COL4A5: variants seen among roughly 807,000 people sequenced by gnomAD.
COL4A5 encodes collagen type IV alpha 5 chain.
In COL4A5, 26 loss-of-function variants were observed where a neutral mutation model predicts 130.2. The observed-to-expected ratio is 0.20, with a 90% CI of 0.15 to 0.28. The LOEUF (loss-of-function observed/expected upper bound fraction) is 0.28. Ranked by LOEUF, COL4A5 falls within the 10% of genes least tolerant of loss-of-function variation. The pLI is 1.00. For missense variants in COL4A5, 1,131 were observed against 1,344.3 expected (o/e 0.84, Z 2.48); for synonymous variants, 496 against 439.6 (o/e 1.13, Z -1.60).
At chrX:108,670,007 G>A (rs1470083506) in intron 41 of COL4A5, 1 of 397,625 alleles carries the variant, frequency 2.5e-6, no homozygotes, top group East Asian at 4.2e-5. Context: ...ACGCCACAGT[G>A]TGCTGTTTTC....
intron 37 of COL4A5, among the ~76,000 whole-genome samples, chrX:108,664,612 A>G (rs754541139): frequency 3.3e-4 from 37 of 112,237 alleles, no homozygotes; most frequent in African/African-American, 1.1e-3. Context: ...CCGCTAGGAA[A>G]ATGAATAGGA....
chrX:108,688,442 GTT>G (rs750606346), intron 49 of COL4A5, among the ~76,000 whole-genome samples: 1 of 103,266 alleles, frequency 9.7e-6, no homozygotes. Flanking sequence ...TTGTTGTGTT[GTT>G]TTTTTTTTTG....
intron 2 of COL4A5, among the ~76,000 whole-genome samples, chrX:108,550,468 CAA>C (rs1456772463): frequency 1.8e-5 from 2 of 111,770 alleles, no homozygotes; most frequent in African/African-American, 6.5e-5. Flanking sequence ...TAATCGATAA[CAA>C]AGAATGCATT....
Position 108,657,057 on chromosome X carries a change from A to G in COL4A5, c.3373+1600A>G, listed in dbSNP as rs375150718. ...TCATGAATAGTGATTTTTTTATCCA[A>G]TTCAATAAATATTTGTCTATTTGAG... On this transcript the variant is annotated intron_variant, in intron 37 of 52. Coordinates refer to ENST00000328300, the MANE Select transcript of COL4A5 (RefSeq NM_033380.3). Among the ~76,000 whole-genome samples the G allele has an allele frequency of 2.7e-5, 3 of 111,810 alleles. No homozygotes were observed. The South Asian group carries it at 1.1e-3, about 41-fold the overall frequency.
chrX:108,473,390 C>T (rs989938732), intron 1 of COL4A5, among the ~76,000 whole-genome samples: 3 of 106,689 alleles, frequency 2.8e-5, no homozygotes, highest in African/African-American at 1.0e-4. Flanking sequence ...GGTGACAGCT[C>T]CATGCATGTT....
chrX:108,464,942 G>T (rs1042923565), intron 1 of COL4A5, among the ~76,000 whole-genome samples: 6 of 111,787 alleles, frequency 5.4e-5, no homozygotes, highest in African/African-American at 1.9e-4. Flanking sequence ...ACAATAAAAT[G>T]TACTAGTTTT....
chrX:108,674,681 A>G (rs1425511178), intron 42 of COL4A5, 64 bp from the exon 43 acceptor site: 1 of 1,076,421 alleles, frequency 9.3e-7, no homozygotes, highest in Non-Finnish European at 1.3e-6. Context: ...CTTATTTTGT[A>G]CTGTGTGATG....
At chrX:108,672,959 A>G (rs1431556314) in intron 42 of COL4A5, among the ~76,000 whole-genome samples, 1 of 112,505 alleles carries the variant, frequency 8.9e-6, no homozygotes, top group Non-Finnish European at 1.9e-5. Context: ...TTAAATAAAC[A>G]GAAGCCAATA....
intron 3 of COL4A5, among the ~76,000 whole-genome samples, chrX:108,561,520 T>C (rs2065899574): frequency 9.0e-6 from 1 of 110,707 alleles, no homozygotes; most frequent in South Asian, 3.9e-4. Flanking sequence ...TTTCTGGGTT[T>C]TTTTTTTTAA....
Position 108,476,954 on chromosome X carries a change from T to C in COL4A5, c.81+36748T>C, listed in dbSNP as rs192558128. Among the ~76,000 whole-genome samples, 171 of 111,482 alleles carry C rather than the reference T, an allele frequency of 1.5e-3. 1 individual carries two copies. Among genetic ancestry groups the C allele is most frequent in the Non-Finnish European group, 2.0e-3 (108 of 53,113 alleles). ...ATTTTGTATATTGCATTAGTTGGGG[T>C]TCTCTTAGAGGGACAGAACGAATAG... On this transcript the variant is annotated intron_variant, in intron 1 of 52. Transcript: ENST00000328300.
At chrX:108,533,051 T>C (rs1024650331) in intron 1 of COL4A5, among the ~76,000 whole-genome samples, 1 of 111,676 alleles carries the variant, frequency 9.0e-6, no homozygotes, top group East Asian at 2.8e-4. Context: ...AAAATGTATA[T>C]GAAACCAAAA....
At chrX:108,537,408 TA>T (rs1305041387) in intron 1 of COL4A5, among the ~76,000 whole-genome samples, 1 of 112,070 alleles carries the variant, frequency 8.9e-6, no homozygotes, top group Non-Finnish European at 1.9e-5. Context: ...TACATGTTAA[TA>T]AAAAATTGCA....
intron 29 of COL4A5, among the ~76,000 whole-genome samples, chrX:108,611,199 C>T (rs2066827462): frequency 9.0e-6 from 1 of 110,981 alleles, no homozygotes; most frequent in African/African-American, 3.3e-5. Flanking sequence ...GGCTAATACT[C>T]ATCATGATAT....
rs184033615 is a variant in COL4A5 at position 108,592,167 on chromosome X, A to T, written c.1423+523A>T. ...TCACTGACCAATTAAAGCAATAACA[A>T]GAGAACTTTCACTGATTGCTACCAC... On this transcript the variant is annotated intron_variant, in intron 21 of 52. Transcript: ENST00000328300. Among the ~76,000 whole-genome samples the T allele has an allele frequency of 7.2e-5, 8 of 111,878 alleles. No homozygotes were observed. In the East Asian group the frequency reaches 2.3e-3, roughly 32 times the overall value.
At chrX:108,584,734 T>C (rs1255718425) in intron 18 of COL4A5, among the ~76,000 whole-genome samples, 1 of 111,183 alleles carries the variant, frequency 9.0e-6, no homozygotes, top group Non-Finnish European at 1.9e-5. Flanking sequence ...GCATTACTTC[T>C]GCATGGTAAA....
At chrX:108,618,691 A>G (rs1296112455) in intron 30 of COL4A5, among the ~76,000 whole-genome samples, 1 of 110,585 alleles carries the variant, frequency 9.0e-6, no homozygotes, top group Non-Finnish European at 1.9e-5. Context: ...GTAGAGTTTT[A>G]TGTTCTAATT....
intron 13 of COL4A5, among the ~76,000 whole-genome samples, chrX:108,580,016 T>G (rs1434323674): frequency 2.7e-5 from 3 of 112,104 alleles, no homozygotes; most frequent in South Asian, 7.4e-4. Context: ...AAACACCCTA[T>G]TATCTTTGGT....
chrX:108,694,902 T>C lies in COL4A5; in HGVS notation c.4802T>C (p.Ile1601Thr), dbSNP rs1003944709. ...HCPQGWDSLW[I>T]GYSFMMHTSA... ...CCTCAGGGATGGGATTCTCTGTGGATTGGTTATTCCTTCATGATGGTATTT... is the reference window on the plus strand; with the variant it reads ...CCTCAGGGATGGGATTCTCTGTGGACTGGTTATTCCTTCATGATGGTATTT... The change falls in exon 51 of 53, where the codon ATT becomes ACT. Residue 1601 changes from isoleucine to threonine, a missense_variant. By Grantham distance (89) the Ile-to-Thr change is moderately conservative. Coordinates refer to ENST00000328300, the MANE Select transcript of COL4A5 (RefSeq NM_033380.3). 8.4e-7 allele frequency: 1 copy of C among 1,195,874 alleles called. No homozygotes were observed. The highest frequency in any genetic ancestry group is 1.7e-5 in the African/African-American group (1 of 57,517).
Position 108,571,827 on chromosome X carries a change from C to G in COL4A5, c.455C>G (p.Pro152Arg), listed in dbSNP as rs760774618. 2 of 1,190,682 alleles carry G rather than the reference C, an allele frequency of 1.7e-6. No individual in the cohort carries two copies. The highest frequency in any genetic ancestry group is 3.6e-5 in the South Asian group (2 of 56,299). The change falls in exon 8 of 53, where the codon CCA becomes CGA. Residue 152 changes from proline to arginine, a missense_variant. By Grantham distance (103) the Pro-to-Arg change is moderately radical (BLOSUM62 -2). Transcript: ENST00000328300. The part of the protein sequence containing the change: ...LQGPPGPPGI[P>R]GMKGEPGSII... ...TAATAATAGGGACCCCCTGGGATCCCAGGTATGAAGGTAAGCATCTCATTC... is the reference window on the plus strand; with the variant it reads ...TAATAATAGGGACCCCCTGGGATCCGAGGTATGAAGGTAAGCATCTCATTC...
Sources: allele counts gnomAD v4.1 joint callset (sites outside exome capture counted in the v4.1 genomes callset), GRCh38; gene constraint gnomAD v4.1.1; transcripts MANE v1.5; gene names NCBI Gene and HGNC (gene_info 2026-07-23, HGNC 2026-07-21).